Variants in OR52A5 observed in about 807,000 individuals in gnomAD.
OR52A5 encodes olfactory receptor family 52 subfamily A member 5.
Under a neutral mutation model 18.2 loss-of-function variants are expected in OR52A5, and 16 were observed. The ratio of observed to expected loss-of-function variants is 0.88; its 90% CI spans 0.60 to 1.34. The LOEUF (loss-of-function observed/expected upper bound fraction) is 1.34, where lower values mean the gene tolerates loss of function less well. Among genes scored for constraint, OR52A5 ranks in the 40% most tolerant of loss-of-function variants. OR52A5 has a pLI of 0.00. For missense variants in OR52A5, 418 were observed against 383.0 expected (o/e 1.09, Z -0.76); for synonymous variants, 140 against 137.2 (o/e 1.02, Z -0.14).
Position 5,128,990 on chromosome 11 carries a change from C to G in OR52A5, c.*2702G>C, listed in dbSNP as rs988861261. ...ATATTATGGCATGTGAATTCCATCT[C>G]AGTAAAAATAAACAATTGAATAAAG... On this transcript the variant is annotated 3_prime_UTR_variant, in exon 2 of 2. Transcript: ENST00000307388. The G allele has an allele frequency of 6.6e-6, 1 of 151,930 alleles. No homozygotes were observed. Among genetic ancestry groups the G allele is most frequent in the African/African-American group, 2.4e-5 (1 of 41,352 alleles). The allele number at this position is 151,930 out of a possible 1,614,324, so 9.4% of individuals were successfully genotyped here.
chr11:5,132,412 G>A lies in OR52A5; in HGVS notation c.231C>T (p.Thr77=), dbSNP rs372597644. 6 of 1,614,156 alleles carry A rather than the reference G, an allele frequency of 3.7e-6. No homozygotes were observed. Among genetic ancestry groups the A allele is most frequent in the Non-Finnish European group, 5.1e-6 (6 of 1,179,992 alleles). Residue 77 remains threonine (T), a synonymous_variant, in exon 2 of 2, where the codon ACC becomes ACT. Coordinates refer to ENST00000307388, the MANE Select transcript of OR52A5 (RefSeq NM_001005160.3). ...TGCCTAACATTTTGGGAAGAATGCA[G>A]GTGTTAAGTGCAATGTCTGTGGCTG... ...MLAATDIALN[T]CILPKMLGIF...
At chr11:5,137,600 C>A (rs1846404392) in intron 1 of OR52A5, among the ~76,000 whole-genome samples, 1 of 151,696 alleles carries the variant, frequency 6.6e-6, no homozygotes, top group Non-Finnish European at 1.5e-5. Flanking sequence ...GAGCTCCAAA[C>A]TGCCTCCCTC....
Position 5,131,171 on chromosome 11 carries a change from C to A in OR52A5, c.*521G>T, listed in dbSNP as rs961251219. On this transcript the variant is annotated 3_prime_UTR_variant, in exon 2 of 2. Transcript: ENST00000307388. ...AAGGGTAAATAAGATAGTTTCTGTACTCAAGATGCTTTCAGTGGGTAACAG... is the reference window on the plus strand; with the variant it reads ...AAGGGTAAATAAGATAGTTTCTGTAATCAAGATGCTTTCAGTGGGTAACAG... 13 of 152,896 alleles carry A rather than the reference C, an allele frequency of 8.5e-5. 1 individual carries two copies. The highest frequency in any genetic ancestry group is 3.1e-4 in the African/African-American group (13 of 41,418). The allele number at this position is 152,896 out of a possible 1,614,324, so 9.5% of individuals were successfully genotyped here.
At chr11:5,136,680 G>C (rs913834884) in intron 1 of OR52A5, among the ~76,000 whole-genome samples, 1 of 152,116 alleles carries the variant, frequency 6.6e-6, no homozygotes, top group Non-Finnish European at 1.5e-5. Context: ...TATTTTTTCA[G>C]TAGATATTGG....
rs766041690 is a variant in OR52A5 at position 5,132,021 on chromosome 11, C to T, written c.622G>A (p.Ala208Thr). ...AATATTATGTCAAACCCTAGGATTG[C>T]AAAGGCAACAAATAGGCCATATATC... ...NKIYGLFVAF[A>T]ILGFDIIFIT... The change falls in exon 2 of 2, where the codon GCA (alanine) becomes ACA (threonine). Residue 208 changes from alanine (A) to threonine (T), a missense_variant. Ala to Thr is a moderately conservative substitution (Grantham distance 58). Coordinates refer to ENST00000307388, the MANE Select transcript of OR52A5 (RefSeq NM_001005160.3). The T allele has an allele frequency of 1.9e-6, 3 of 1,614,168 alleles. No homozygotes were observed. Among genetic ancestry groups the T allele is most frequent in the Admixed American group, 1.7e-5 (1 of 60,018 alleles).
chr11:5,133,363 CAAAAAAAAAAAAAA>C (rs745895019), intron 1 of OR52A5, among the ~76,000 whole-genome samples: 1 of 62,408 alleles, frequency 1.6e-5, no homozygotes, highest in Non-Finnish European at 2.9e-5. Flanking sequence ...GCGAGACTGT[CAAAAAAAAAAAAAA>C]AAAAAAAAAA....
intron 1 of OR52A5, among the ~76,000 whole-genome samples, chr11:5,133,127 T>C (rs1015093918): frequency 6.6e-6 from 1 of 152,054 alleles, no homozygotes; most frequent in Non-Finnish European, 1.5e-5. Flanking sequence ...CCCAGGACTT[T>C]GGGAGGCCAA....
rs74051326 is a variant in OR52A5 at position 5,131,727 on chromosome 11, T to C, written c.916A>G (p.Ile306Val). ...GVKTKQIRDH[I>V]VKVFFFKKVT ...TTTTTGAAGAAAAACACTTTCACAATATGGTCACGAATTTGCTTGGTCTTC... is the reference window on the plus strand; with the variant it reads ...TTTTTGAAGAAAAACACTTTCACAACATGGTCACGAATTTGCTTGGTCTTC... The change falls in exon 2 of 2, where the codon ATT (isoleucine) becomes GTT (valine). Residue 306 changes from isoleucine (I) to valine (V), a missense_variant. Coordinates refer to ENST00000307388, the MANE Select transcript of OR52A5 (RefSeq NM_001005160.3). The C allele has an allele frequency of 7.3e-3, 11,725 of 1,613,484 alleles. 715 individuals are homozygous for C. In the African/African-American group the frequency reaches 0.13, roughly 18 times the overall value.
Position 5,130,323 on chromosome 11 carries a change from A to G in OR52A5, c.*1369T>C, listed in dbSNP as rs1176273984. On this transcript the variant is annotated 3_prime_UTR_variant, in exon 2 of 2. Transcript: ENST00000307388. ...TATTTAGGAGTATCACTTACTTATTATCTTCATTCTTTATCCTTCATGTAT... is the reference window on the plus strand; with the variant it reads ...TATTTAGGAGTATCACTTACTTATTGTCTTCATTCTTTATCCTTCATGTAT... 1 of 151,956 alleles carries G rather than the reference A, an allele frequency of 6.6e-6. No individual in the cohort carries two copies. Among genetic ancestry groups the G allele is most frequent in the East Asian group, 1.9e-4 (1 of 5,188 alleles). The allele number at this position is 151,956 out of a possible 1,614,324, so 9.4% of individuals were successfully genotyped here.
rs755800182 is a variant in OR52A5, at chr11:5,132,604, C to T, written c.39G>A (p.Ala13=). Residue 13 remains alanine (A), a synonymous_variant, in exon 2 of 2, where the codon GCG becomes GCA. Transcript: ENST00000307388. ...GACCAGGAATCCCAATTAGTATAAA[C>T]GCAGAGGGCATGAAGACTGAGCCAT... ...TFNGSVFMPS[A]FILIGIPGLE... is the part of the protein sequence containing the mutation. 2.3e-5 allele frequency: 37 copies of T among 1,612,042 alleles called. No individual in the cohort carries two copies. The African/African-American group carries it at 2.5e-4, about 11-fold the overall frequency.
rs897376839 is a variant in OR52A5, at chr11:5,129,450, C to A, written c.*2242G>T. The A allele has an allele frequency of 6.6e-6, 1 of 152,106 alleles. No individual in the cohort carries two copies. The highest frequency in any genetic ancestry group is 2.4e-5 in the African/African-American group (1 of 41,426). The allele number at this position is 152,106 out of a possible 1,614,324, so 9.4% of individuals were successfully genotyped here. On this transcript the variant is annotated 3_prime_UTR_variant, in exon 2 of 2. Coordinates refer to ENST00000307388, the MANE Select transcript of OR52A5 (RefSeq NM_001005160.3). ...TTATCCATCTTTAACTTAAGGCAAT[C>A]CCTTCGAGCCCTCAAACAATTTATT...
chr11:5,131,861 GAGA>G lies in OR52A5; in HGVS notation c.779_781del (p.Phe260del), dbSNP rs1846340381. 3 of 1,614,164 alleles carry G rather than the reference GAGA, an allele frequency of 1.9e-6. No homozygotes were observed. The highest frequency in any genetic ancestry group is 2.5e-6 in the Non-Finnish European group (3 of 1,180,014). On this transcript the variant is annotated inframe_deletion, in exon 2 of 2. Coordinates refer to ENST00000307388, the MANE Select transcript of OR52A5 (RefSeq NM_001005160.3). ...TGAACCAAACCTGTGTGTGAAGAAA[GAGA>G]AGAAGGCAAGAAGGTAGAACTGTAG...
At position 5,132,198 on chromosome 11, in the gene OR52A5, C is replaced by A. The variant is rs1846345540; in HGVS notation, c.445G>T (p.Gly149Trp). ...AGAATGGCAGCCCTGAGTGTCACCC[C>A]AAGTCCAATATGAGTTAAGAACTGC... Reference protein sequence around the residue: ...SQQFLTHIGLGVTLRAAILII... With the variant: ...SQQFLTHIGLWVTLRAAILII... Residue 149 changes from glycine to tryptophan, a missense_variant, in exon 2 of 2, where the codon GGG becomes TGG. Physicochemically the swap from Gly to Trp is radical, Grantham distance 184 (BLOSUM62 -2). Transcript: ENST00000307388. The A allele has an allele frequency of 6.2e-7, 1 of 1,614,056 alleles. No homozygotes were observed. The highest frequency in any genetic ancestry group is 8.5e-7 in the Non-Finnish European group (1 of 1,180,012).
At position 5,132,170 on chromosome 11, in the gene OR52A5, A is replaced by C; in HGVS notation, c.473T>G (p.Ile158Arg). ...LGVTLRAAIL[I>R]IPSLGLIKCC... Reference sequence around the variant, plus strand: ...TTTGATGAGCCCTAAGGAAGGTATTATAAGAATGGCAGCCCTGAGTGTCAC... The same window carrying C: ...TTTGATGAGCCCTAAGGAAGGTATTCTAAGAATGGCAGCCCTGAGTGTCAC... Residue 158 changes from isoleucine (I) to arginine (R), a missense_variant, in exon 2 of 2, where the codon ATA becomes AGA. Coordinates refer to ENST00000307388, the MANE Select transcript of OR52A5 (RefSeq NM_001005160.3). The C allele has an allele frequency of 1.2e-6, 2 of 1,614,178 alleles. No homozygotes were observed. The highest frequency in any genetic ancestry group is 1.7e-6 in the Non-Finnish European group (2 of 1,180,016).
At chr11:5,133,525 T>C (rs1197709374) in intron 1 of OR52A5, among the ~76,000 whole-genome samples, 2 of 151,074 alleles carry the variant, frequency 1.3e-5, no homozygotes, top group African/African-American at 4.8e-5. Flanking sequence ...TTTTCTCATA[T>C]AGGCTCAAAA....
At position 5,129,374 on chromosome 11, in the gene OR52A5, A is replaced by T. The variant is rs1846313691; in HGVS notation, c.*2318T>A. ...CCAGGAGTATGTAGAATGTTAAAGG[A>T]AGGGTAATGGAGAAACTCAGACCTT... On this transcript the variant is annotated 3_prime_UTR_variant, in exon 2 of 2. Transcript: ENST00000307388. The T allele has an allele frequency of 6.6e-6, 1 of 152,120 alleles. No homozygotes were observed. Among genetic ancestry groups the T allele is most frequent in the Non-Finnish European group, 1.5e-5 (1 of 68,026 alleles). The allele number at this position is 152,120 out of a possible 1,614,324, so 9.4% of individuals were successfully genotyped here.
Position 5,132,646 on chromosome 11 carries a change from T to A in OR52A5, c.-4A>T. On this transcript the variant is annotated 5_prime_UTR_variant, in exon 2 of 2. Coordinates refer to ENST00000307388, the MANE Select transcript of OR52A5 (RefSeq NM_001005160.3). Reference sequence around the variant, plus strand: ...CTGAGCCATTGAATGTCGGCATGATTTGTTCATCAGAATCAAGTGGTAGAT... The same window carrying A: ...CTGAGCCATTGAATGTCGGCATGATATGTTCATCAGAATCAAGTGGTAGAT... 1 of 1,570,396 alleles carries A rather than the reference T, an allele frequency of 6.4e-7. No individual in the cohort carries two copies. The highest frequency in any genetic ancestry group is 1.2e-5 in the South Asian group (1 of 85,520).
intron 1 of OR52A5, among the ~76,000 whole-genome samples, chr11:5,133,394 A>C (rs1589860824): frequency 6.8e-6 from 1 of 147,042 alleles, no homozygotes; most frequent in South Asian, 2.1e-4. Context: ...AAAAGAAAGG[A>C]TCCACAGTGC....
In OR52A5 at chr11:5,132,040, AT is replaced by A; in HGVS notation, c.602del (p.Tyr201LeufsTer10). 6.2e-7 allele frequency: 1 copy of A among 1,614,218 alleles called. No homozygotes were observed. The highest frequency in any genetic ancestry group is 8.5e-7 in the Non-Finnish European group (1 of 1,180,022). On this transcript the variant is annotated frameshift_variant, in exon 2 of 2. Transcript: ENST00000307388. LOFTEE classifies it high-confidence loss of function. ...GGATTGCAAAGGCAACAAATAGGCC[AT>A]ATATCTTGTTGACTCGGATATCTTC... ...ATEDIRVNKI[Y>X]GLFVAFAILG...
Sources: gnomAD v4.1 joint callset for allele counts (sites outside exome capture counted in the v4.1 genomes callset) on GRCh38, gnomAD v4.1.1 for gene constraint, MANE v1.5 for transcripts, NCBI Gene and HGNC (gene_info 2026-07-23, HGNC 2026-07-21) for gene names.